The following SOX6 variants were observed in gnomAD, a reference collection of about 807,000 sequenced individuals.
SOX6 encodes the protein transcription factor SOX-6.
In SOX6, 11 loss-of-function variants were observed where a neutral mutation model predicts 97.8. The ratio of observed to expected loss-of-function variants is 0.11; its 90% confidence interval spans 0.07 to 0.19. The LOEUF is 0.19. SOX6 is among the 10% of genes least tolerant of loss of function. The pLI, the probability that SOX6 is intolerant of heterozygous loss-of-function variation, is 1.00. For missense variants in SOX6, 810 were observed against 1,039.5 expected, an observed-to-expected ratio of 0.78 and a Z score of 3.04; for synonymous variants, 360 against 371.4, an observed-to-expected ratio of 0.97 and a Z score of 0.35.
At chr11:16,082,893 C>T (rs529869303) in intron 9 of SOX6, among the ~76,000 whole-genome samples, 1 of 152,206 alleles carries the variant, frequency 6.6e-6, no homozygotes, top group Admixed American at 6.5e-5. Context: ...CCAATTTCAC[C>T]TATGATTGCT....
intron 15 of SOX6, among the ~76,000 whole-genome samples, chr11:15,978,702 A>G (rs962206962): frequency 1.3e-5 from 2 of 148,392 alleles, no homozygotes; most frequent in Non-Finnish European, 3.0e-5. Context: ...ATCTCCAGTA[A>G]GCCCTTCGCT....
At chr11:16,489,682 T>G (rs1381402479) in intron 4 of SOX6, among the ~76,000 whole-genome samples, 1 of 152,122 alleles carries the variant, frequency 6.6e-6, no homozygotes, top group Non-Finnish European at 1.5e-5. Context: ...GTAAAGCAAT[T>G]AGTACAGTAC....
chr11:16,346,219 A>G (rs1167920131), intron 1 of SOX6, among the ~76,000 whole-genome samples: 2 of 152,068 alleles, frequency 1.3e-5, no homozygotes, highest in Non-Finnish European at 2.9e-5. Flanking sequence ...GAAATAAACA[A>G]CTAATTTTCC....
At chr11:16,328,608 C>T (rs1856178712) in intron 2 of SOX6, among the ~76,000 whole-genome samples, 1 of 152,164 alleles carries the variant, frequency 6.6e-6, no homozygotes, top group African/African-American at 2.4e-5. Flanking sequence ...ATTACATTAA[C>T]TTATACCACA....
chr11:16,618,018 G>T (rs1401337960), intron 3 of SOX6, among the ~76,000 whole-genome samples: 4 of 151,786 alleles, frequency 2.6e-5, no homozygotes, highest in African/African-American at 7.2e-5. Context: ...AGTAATTATT[G>T]CAAGAGATCC....
intron 3 of SOX6, among the ~76,000 whole-genome samples, chr11:16,634,046 T>C (rs780125483): frequency 6.6e-6 from 1 of 151,890 alleles, no homozygotes; most frequent in Non-Finnish European, 1.5e-5. Flanking sequence ...CAAACACCAA[T>C]CCCAAAATGA....
At chr11:16,400,483 C>T (rs540933544) in intron 1 of SOX6, among the ~76,000 whole-genome samples, 1 of 151,314 alleles carries the variant, frequency 6.6e-6, no homozygotes, top group Non-Finnish European at 1.5e-5. Context: ...TACTTTTGTA[C>T]TATAATAGCG....
At chr11:16,195,004 A>C (rs1851733997) in intron 4 of SOX6, among the ~76,000 whole-genome samples, 1 of 152,226 alleles carries the variant, frequency 6.6e-6, no homozygotes, top group Non-Finnish European at 1.5e-5. Flanking sequence ...CCTTTCAGAA[A>C]CATGAAATTC....
In SOX6 at chr11:16,036,306, C is replaced by T. The variant is rs1346497127; in HGVS notation, c.1623+10208G>A. Among the ~76,000 whole-genome samples, 5 of 151,890 alleles carry T rather than the reference C, an allele frequency of 3.3e-5. No individual in the cohort carries two copies. The East Asian group carries it at 7.8e-4, about 24-fold the overall frequency. Reference sequence around the variant, plus strand: ...GTTAGTCAGGCTGGTCTCGAACTCCCGACCTCAGGTGATCCACCCGCCTTG... The same window carrying T: ...GTTAGTCAGGCTGGTCTCGAACTCCTGACCTCAGGTGATCCACCCGCCTTG... On this transcript the variant is annotated intron_variant, in intron 12 of 15. Transcript: ENST00000683767.
intron 3 of SOX6, among the ~76,000 whole-genome samples, chr11:16,275,496 AC>A (rs1854374693): frequency 9.4e-6 from 1 of 106,064 alleles, no homozygotes; most frequent in African/African-American, 2.8e-5. Flanking sequence ...ACAAAAAAAC[AC>A]CTCTTCCTTT....
intron 4 of SOX6, among the ~76,000 whole-genome samples, chr11:16,496,531 C>T (rs1264738670): frequency 6.6e-6 from 1 of 152,198 alleles, no homozygotes; most frequent in Non-Finnish European, 1.5e-5. Flanking sequence ...ATCGCCTCAC[C>T]CGGGAAGTGC....
chr11:16,004,696 T>C (rs1297611879), intron 13 of SOX6, among the ~76,000 whole-genome samples: 1 of 152,010 alleles, frequency 6.6e-6, no homozygotes. Context: ...ATTAAAATTT[T>C]CTGCTTTTTA....
intron 9 of SOX6, among the ~76,000 whole-genome samples, chr11:16,091,885 G>A (rs1848698228): frequency 6.6e-6 from 1 of 152,026 alleles, no homozygotes; most frequent in South Asian, 2.1e-4. Context: ...GAAATAGTCT[G>A]TTAAAATATG....
At chr11:16,095,945 C>G (rs761513537) in intron 9 of SOX6, 51 bp downstream of exon 9, 4 of 1,456,974 alleles carry the variant, frequency 2.7e-6, no homozygotes, top group Admixed American at 1.7e-5. Context: ...TAGAGTATGA[C>G]TGAACAATCC....
chr11:16,005,873 G>A (rs367818603), intron 13 of SOX6, among the ~76,000 whole-genome samples: 4 of 151,878 alleles, frequency 2.6e-5, no homozygotes, highest in Non-Finnish European at 1.5e-5. Context: ...AGCAAATGAC[G>A]ATGCATTCTT....
chr11:16,608,217 A>G (rs1848358128), intron 4 of SOX6, among the ~76,000 whole-genome samples: 1 of 148,544 alleles, frequency 6.7e-6, no homozygotes, highest in Non-Finnish European at 1.5e-5. Flanking sequence ...ACTCGGGGAG[A>G]AAAAAAAGGA....
rs770964022 is a variant in SOX6 at position 16,691,576 on chromosome 11, C to T, written n.429+23254G>A. Among the ~76,000 whole-genome samples the T allele has an allele frequency of 5.3e-5, 8 of 152,254 alleles. No homozygotes were observed. The East Asian group carries it at 1.5e-3, about 29-fold the overall frequency. ...ATTTTCGAGGCTGATGCAGGTGGAT[C>T]ACTTGGCCTCAGGAGTTAGAGACCA... is the stretch of plus-strand genomic sequence containing the variant. On this transcript the variant is annotated intron_variant and non_coding_transcript_variant, in intron 3 of 5. Coordinates refer to the SOX6 transcript ENST00000524520.
At chr11:16,630,183 T>A (rs1416301285) in intron 3 of SOX6, among the ~76,000 whole-genome samples, 1 of 152,148 alleles carries the variant, frequency 6.6e-6, no homozygotes, top group African/African-American at 2.4e-5. Context: ...TAATGTTAGA[T>A]CATTAATTTG....
chr11:16,046,483 C>T (rs1358660335), intron 12 of SOX6, 31 bp downstream of exon 12: 5 of 1,608,396 alleles, frequency 3.1e-6, no homozygotes, highest in Admixed American at 3.3e-5. Flanking sequence ...ATAAGTCTAG[C>T]AGATCCAGTG....
Sources: gnomAD v4.1 joint callset for allele counts (sites outside exome capture counted in the v4.1 genomes callset) on GRCh38, gnomAD v4.1.1 for gene constraint, MANE v1.5 for transcripts, NCBI Gene and HGNC (gene_info 2026-07-23, HGNC 2026-07-21) for gene names.